CDON: variants seen among roughly 807,000 people sequenced by gnomAD.
The protein encoded by CDON is cell adhesion molecule-related/down-regulated by oncogenes.
In CDON, 73 loss-of-function variants were observed where a neutral mutation model predicts 120.9. The observed-to-expected ratio is 0.60, with a 90% CI of 0.50 to 0.73. The LOEUF (loss-of-function observed/expected upper bound fraction) is 0.73, where lower values mean the gene tolerates loss of function less well. Among genes scored for constraint, CDON ranks in the 30% least tolerant of loss-of-function variants. The pLI is 0.00. For synonymous variants in CDON, 566 were observed against 573.5 expected, an observed-to-expected ratio of 0.99 and a Z score of 0.19; for missense variants, 1,470 against 1,587.3, an observed-to-expected ratio of 0.93 and a Z score of 1.26.
chr11:126,062,414 A>C (rs1323380563), intron 1 of CDON, among the ~76,000 whole-genome samples, 165 bp downstream of exon 1: 1 of 151,330 alleles, frequency 6.6e-6, no homozygotes, highest in Non-Finnish European at 1.5e-5. Flanking sequence ...CCGGGCAAGC[A>C]TCAGCATCCA....
Position 126,023,553 on chromosome 11 carries a change from G to C in CDON, c.-61-16C>G. 9.3e-7 allele frequency: 1 copy of C among 1,070,426 alleles called. No homozygotes were observed. Among genetic ancestry groups the C allele is most frequent in the Non-Finnish European group, 1.5e-6 (1 of 686,570 alleles). The allele number at this position is 1,070,426 out of a possible 1,614,324, so 66.3% of individuals were successfully genotyped here. On this transcript the variant is annotated splice_polypyrimidine_tract_variant and intron_variant, in intron 1 of 19. Coordinates refer to ENST00000531738, the MANE Select transcript of CDON (RefSeq NM_001378964.1). ...CCTTGGTTCACTAAAAAAGAAAAAG[G>C]AAAGAAAATCTAAACCATTGAAATC...
chr11:126,031,895 A>G (rs910534065), intron 1 of CDON, among the ~76,000 whole-genome samples: 6 of 152,196 alleles, frequency 3.9e-5, no homozygotes, highest in Non-Finnish European at 8.8e-5. Flanking sequence ...CTCCTTTGAC[A>G]AGCATAATAA....
chr11:126,059,522 T>C, intron 1 of CDON, among the ~76,000 whole-genome samples: 1 of 60,936 alleles, frequency 1.6e-5, no homozygotes, highest in Non-Finnish European at 3.1e-5. Context: ...TCTGCTCCAC[T>C]CCCTCTGCAC....
At chr11:126,021,766 C>A (rs1282030883) in intron 2 of CDON, among the ~76,000 whole-genome samples, 2 of 152,034 alleles carry the variant, frequency 1.3e-5, no homozygotes, top group East Asian at 1.9e-4. Flanking sequence ...GACAAGAATG[C>A]TGATGATATA....
chr11:125,984,137 G>T (rs1490383905), intron 15 of CDON, 44 bp from the exon 16 acceptor site: 2 of 1,343,764 alleles, frequency 1.5e-6, no homozygotes, highest in South Asian at 1.2e-5. Context: ...AGTGAATACA[G>T]ACTCCATGAA....
intron 1 of CDON, among the ~76,000 whole-genome samples, chr11:126,040,695 G>A (rs1303757532): frequency 1.3e-5 from 2 of 151,202 alleles, no homozygotes; most frequent in African/African-American, 4.9e-5. Flanking sequence ...GGCGCCTGTA[G>A]TCCCAGCTAC....
intron 1 of CDON, among the ~76,000 whole-genome samples, chr11:126,053,134 A>G (rs140002478): frequency 1.8e-4 from 27 of 152,330 alleles, no homozygotes; most frequent in African/African-American, 5.5e-4. Flanking sequence ...ATTACTGTAG[A>G]AGAAAACCTG....
chr11:126,040,723 G>A (rs772455886), intron 1 of CDON, among the ~76,000 whole-genome samples: 1 of 145,558 alleles, frequency 6.9e-6, no homozygotes, highest in Non-Finnish European at 1.5e-5. Context: ...GCTGAGGCAG[G>A]AGAATGGCGT....
At chr11:126,035,632 C>T (rs1471248742) in intron 1 of CDON, among the ~76,000 whole-genome samples, 1 of 152,124 alleles carries the variant, frequency 6.6e-6, no homozygotes, top group Non-Finnish European at 1.5e-5. Context: ...GCAGTTAGTA[C>T]ATAATTGGCA....
Position 125,961,758 on chromosome 11 carries a change from A to T in CDON, c.3597T>A (p.Ser1199=), listed in dbSNP as rs750319847. ...CCQDIVNDVS[S]DGSEDPAEFS... ...ACTCTGCTGGATCTTCTGAGCCATC[A>T]GAGCTGACGTCATTTACAATGTCCT... Residue 1199 remains serine, a synonymous_variant, in exon 19 of 20, where the codon TCT becomes TCA. Transcript: ENST00000531738. 1 of 1,614,218 alleles carries T rather than the reference A, an allele frequency of 6.2e-7. No homozygotes were observed. Among genetic ancestry groups the T allele is most frequent in the South Asian group, 1.1e-5 (1 of 91,070 alleles).
At chr11:126,010,988 G>A in intron 7 of CDON, 1 of 472,544 alleles carries the variant, frequency 2.1e-6, no homozygotes, top group Non-Finnish European at 4.1e-6. Context: ...ACACATATCT[G>A]ACCACTGCAA....
Position 125,994,314 on chromosome 11 carries a change from C to T in CDON, c.2620G>A (p.Asp874Asn), listed in dbSNP as rs1946714758. The change falls in exon 14 of 20, where the codon GAC becomes AAC. Residue 874 changes from aspartate (D) to asparagine (N), a missense_variant. Physicochemically the swap from Asp to Asn is conservative, Grantham distance 23. Transcript: ENST00000531738. ...ACAACATCCCTCTTGTAATCACTGT[C>T]ATTGTCACTATCTGTTGGTCGGTAA... is the stretch of plus-strand genomic sequence containing the variant. Reference protein sequence around the residue: ...IYYRPTDSDNDSDYKRDVVEG... With the variant: ...IYYRPTDSDNNSDYKRDVVEG... 1 of 1,601,468 alleles carries T rather than the reference C, an allele frequency of 6.2e-7. No individual in the cohort carries two copies. The highest frequency in any genetic ancestry group is 1.1e-5 in the South Asian group (1 of 90,800).
chr11:126,041,757 A>C (rs112314194), intron 1 of CDON, among the ~76,000 whole-genome samples: 17 of 152,224 alleles, frequency 1.1e-4, no homozygotes, highest in Non-Finnish European at 2.4e-4. Context: ...AATTTGGTAA[A>C]TATGTAAGGA....
chr11:125,984,417 C>G lies in CDON; in HGVS notation c.2774-324G>C, dbSNP rs1946402525. Among the ~76,000 whole-genome samples the G allele has an allele frequency of 2.0e-5, 3 of 152,346 alleles. 1 individual carries two copies. The South Asian group carries it at 6.2e-4, about 32-fold the overall frequency. ...TGAAATAAAAGTGTTTCCACTTAGG[C>G]CGGGCGTGGTGGCTCACGCCTGTAA... On this transcript the variant is annotated intron_variant, in intron 15 of 19. Transcript: ENST00000531738.
chr11:126,036,700 T>C (rs1484509732), intron 1 of CDON, among the ~76,000 whole-genome samples: 3 of 152,206 alleles, frequency 2.0e-5, no homozygotes, highest in African/African-American at 7.2e-5. Context: ...ACTCATGTTG[T>C]TTTTTTGAGA....
At chr11:125,993,092 C>A (rs1187729811) in intron 14 of CDON, among the ~76,000 whole-genome samples, 2 of 152,172 alleles carry the variant, frequency 1.3e-5, no homozygotes, top group Admixed American at 1.3e-4. Context: ...TTCCCCTCCC[C>A]CAATTGACTC....
At position 126,050,529 on chromosome 11, in the gene CDON, CACAA is replaced by C. The variant is rs924157464; in HGVS notation, c.-62+12046_-62+12049del. Among the ~76,000 whole-genome samples the C allele has an allele frequency of 9.3e-5, 13 of 139,136 alleles. 1 individual carries two copies. In the South Asian group the frequency reaches 1.4e-3, roughly 15 times the overall value. 91.3% of individuals were successfully genotyped at this position (139,136 alleles called of 152,430 possible). ...ACACACACACACACACACACACACA[CACAA>C]ACAAAAAAAAGTCTGTAAAATACTC... On this transcript the variant is annotated intron_variant, in intron 1 of 19. Coordinates refer to ENST00000531738, the MANE Select transcript of CDON (RefSeq NM_001378964.1).
intron 18 of CDON, among the ~76,000 whole-genome samples, chr11:125,965,386 C>T (rs988813403): frequency 6.6e-6 from 1 of 152,136 alleles, no homozygotes; most frequent in Non-Finnish European, 1.5e-5. Context: ...CCAAAGTACT[C>T]GAGGGGCTGA....
chr11:126,049,967 G>A (rs925876688), intron 1 of CDON, among the ~76,000 whole-genome samples: 5 of 152,104 alleles, frequency 3.3e-5, no homozygotes, highest in African/African-American at 1.2e-4. Flanking sequence ...AGGATGTACC[G>A]TTAAAGAATT....
Sources: allele counts gnomAD v4.1 joint callset (sites outside exome capture counted in the v4.1 genomes callset), GRCh38; gene constraint gnomAD v4.1.1; transcripts MANE v1.5; gene names NCBI Gene and HGNC (gene_info 2026-07-23, HGNC 2026-07-21).